LIMD1: variants seen among roughly 807,000 people sequenced by gnomAD.
The protein encoded by LIMD1 is LIM domain-containing protein 1.
In LIMD1, 23 loss-of-function variants were observed where a neutral mutation model predicts 58.4. The ratio of observed to expected loss-of-function variants is 0.39; its 90% CI spans 0.28 to 0.56. The LOEUF is 0.56. LIMD1 is among the 20% of genes least tolerant of loss of function. The probability of loss-of-function intolerance (pLI) is 0.57; values close to 1 mark genes in which losing one functional copy is unlikely to be tolerated. For missense variants in LIMD1, 838 were observed against 855.5 expected (o/e 0.98, Z 0.25); for synonymous variants, 334 against 345.5 (o/e 0.97, Z 0.37).
In LIMD1 at chr3:45,636,227, A is replaced by C; in HGVS notation, c.1486A>C (p.Thr496Pro). 1 of 1,612,634 alleles carries C rather than the reference A, an allele frequency of 6.2e-7. No individual in the cohort carries two copies. Among genetic ancestry groups the C allele is most frequent in the Non-Finnish European group, 8.5e-7 (1 of 1,179,400 alleles). The stretch of plus-strand genomic sequence containing the variant: ...GGCCATGGGGAACCTCTACCATGAC[A>C]CATGCTTCACCTGTGCAGCTTGCAG... ...CQAMGNLYHD[T>P]CFTCAACSRK... Residue 496 changes from threonine to proline, a missense_variant, in exon 2 of 8, where the codon ACA becomes CCA. By Grantham distance (38) the Thr-to-Pro change is conservative. Transcript: ENST00000273317.
intron 2 of LIMD1, among the ~76,000 whole-genome samples, chr3:45,654,722 T>C (rs1206284198): frequency 7.0e-6 from 1 of 143,564 alleles, no homozygotes; most frequent in Non-Finnish European, 1.5e-5. Flanking sequence ...TGTTCCCAGC[T>C]ACTCAAGGCT....
intron 2 of LIMD1, among the ~76,000 whole-genome samples, chr3:45,643,689 C>A (rs1007048655): frequency 3.3e-5 from 5 of 152,204 alleles, no homozygotes; most frequent in African/African-American, 9.6e-5. Flanking sequence ...TATACTCTCC[C>A]CGCCAGAAGC....
chr3:45,653,126 A>G (rs770060698), intron 2 of LIMD1, among the ~76,000 whole-genome samples: 6 of 152,160 alleles, frequency 3.9e-5, no homozygotes, highest in Non-Finnish European at 7.3e-5. Flanking sequence ...ATATTATTGT[A>G]TTTTACAAGA....
intron 2 of LIMD1, among the ~76,000 whole-genome samples, chr3:45,663,164 A>G (rs1697466203): frequency 6.6e-6 from 1 of 152,202 alleles, no homozygotes; most frequent in Non-Finnish European, 1.5e-5. Context: ...CTGGTATTAC[A>G]TCCAGTAAAT....
At chr3:45,644,269 T>G (rs1701878204) in intron 2 of LIMD1, among the ~76,000 whole-genome samples, 1 of 152,230 alleles carries the variant, frequency 6.6e-6, no homozygotes, top group Admixed American at 6.5e-5. Flanking sequence ...GCCAGCTATT[T>G]TGTTTTTCTT....
chr3:45,596,387 T>C (rs1344050935), intron 1 of LIMD1, 100 bp downstream of exon 1: 2 of 890,938 alleles, frequency 2.2e-6, no homozygotes, highest in Non-Finnish European at 3.4e-6. Context: ...TGTAGTTACC[T>C]CTCTTTGAGT....
In LIMD1 at chr3:45,595,231, A is replaced by G; in HGVS notation, c.352A>G (p.Thr118Ala). 1.2e-6 allele frequency: 2 copies of G among 1,603,436 alleles called. No homozygotes were observed. Residue 118 changes from threonine (T) to alanine (A), a missense_variant, in exon 1 of 8, where the codon ACC becomes GCC. Physicochemically the swap from Thr to Ala is moderately conservative, Grantham distance 58. Transcript: ENST00000273317. Reference sequence around the variant, plus strand: ...CTCGACAGGGGCACCTGGGGCAGTCACCACCCTCGCTGCTGGGCAGCCCCC... The same window carrying G: ...CTCGACAGGGGCACCTGGGGCAGTCGCCACCCTCGCTGCTGGGCAGCCCCC... ...AASTGAPGAVTTLAAGQPPYP... is the reference protein window; with the variant it reads ...AASTGAPGAVATLAAGQPPYP...
At chr3:45,618,629 G>A (rs1701599615) in intron 1 of LIMD1, among the ~76,000 whole-genome samples, 1 of 152,148 alleles carries the variant, frequency 6.6e-6, no homozygotes, top group South Asian at 2.1e-4. Flanking sequence ...AACTTTTATG[G>A]GGCACCTCTG....
chr3:45,605,919 G>A (rs1701463910), intron 1 of LIMD1, among the ~76,000 whole-genome samples: 1 of 152,184 alleles, frequency 6.6e-6, no homozygotes, highest in Admixed American at 6.5e-5. Context: ...GCCCAGCAGT[G>A]TCTGGGCCAG....
chr3:45,669,036 G>T (rs1026050047), intron 4 of LIMD1, among the ~76,000 whole-genome samples: 1 of 152,172 alleles, frequency 6.6e-6, no homozygotes, highest in African/African-American at 2.4e-5. Flanking sequence ...GAGCAAAGTT[G>T]TTTTTCTCCC....
chr3:45,681,433 G>A lies in LIMD1; in HGVS notation c.*4374G>A, dbSNP rs529886416. 6.6e-6 allele frequency: 1 copy of A among 152,326 alleles called. No individual in the cohort carries two copies. Among genetic ancestry groups the A allele is most frequent in the East Asian group, 1.9e-4 (1 of 5,190 alleles). The allele number at this position is 152,326 out of a possible 1,614,324, so 9.4% of individuals were successfully genotyped here. On this transcript the variant is annotated 3_prime_UTR_variant, in exon 8 of 8. Coordinates refer to ENST00000273317, the MANE Select transcript of LIMD1 (RefSeq NM_014240.3). The stretch of plus-strand genomic sequence containing the variant: ...GCTAATAAAGTGAGCACACCACATG[G>A]GTTCATGGATCCTGGCAGAAGTTAT...
chr3:45,673,842 A>G (rs1452728409), intron 6 of LIMD1: 2 of 324,604 alleles, frequency 6.2e-6, no homozygotes, highest in Admixed American at 8.6e-5. Flanking sequence ...GCGAGCTATG[A>G]TGGTGCTACT....
intron 2 of LIMD1, among the ~76,000 whole-genome samples, chr3:45,665,277 A>G (rs1209201329): frequency 1.3e-5 from 2 of 151,960 alleles, no homozygotes; most frequent in Non-Finnish European, 2.9e-5. Flanking sequence ...GCCTGTGGGA[A>G]ACTGCATCTT....
At chr3:45,596,328 G>T in intron 1 of LIMD1, 41 bp downstream of exon 1, 1 of 1,493,616 alleles carries the variant, frequency 6.7e-7, no homozygotes, top group South Asian at 1.2e-5. Context: ...GTGGGGCGAT[G>T]GGGTTCTTGA....
intron 2 of LIMD1, among the ~76,000 whole-genome samples, chr3:45,637,407 A>G (rs907659571): frequency 1.3e-5 from 2 of 151,804 alleles, no homozygotes; most frequent in African/African-American, 4.8e-5. Context: ...CAGCCTCCCG[A>G]GTAGCTGGGA....
chr3:45,622,313 A>G (rs1325961922), intron 1 of LIMD1, among the ~76,000 whole-genome samples: 1 of 152,204 alleles, frequency 6.6e-6, no homozygotes, highest in Admixed American at 6.5e-5. Flanking sequence ...CTGTTAAATT[A>G]CAGTAGTCTG....
intron 1 of LIMD1, among the ~76,000 whole-genome samples, chr3:45,599,309 T>C (rs555629724): frequency 9.6e-6 from 1 of 104,496 alleles, no homozygotes; most frequent in Admixed American, 1.2e-4. Context: ...CCCATACCCA[T>C]AAAGCAATTG....
At chr3:45,663,255 G>A (rs564534202) in intron 2 of LIMD1, among the ~76,000 whole-genome samples, 2 of 152,160 alleles carry the variant, frequency 1.3e-5, no homozygotes, top group South Asian at 4.1e-4. Flanking sequence ...CCATAACAAC[G>A]TTGCCGTGAA....
At chr3:45,644,106 T>G (rs911153236) in intron 2 of LIMD1, among the ~76,000 whole-genome samples, 3 of 152,218 alleles carry the variant, frequency 2.0e-5, no homozygotes, top group African/African-American at 7.2e-5. Flanking sequence ...AGCCTGCATC[T>G]AGAACACTCA....
Sources: allele counts gnomAD v4.1 joint callset (sites outside exome capture counted in the v4.1 genomes callset), GRCh38; gene constraint gnomAD v4.1.1; transcripts MANE v1.5; gene names NCBI Gene and HGNC (gene_info 2026-07-23, HGNC 2026-07-21).